The following TERF2IP variants were observed in gnomAD, a reference collection of about 807,000 sequenced individuals.
The protein encoded by TERF2IP is TERF2 interacting protein, also known as telomeric repeat-binding factor 2-interacting protein 1.
In TERF2IP, 35 loss-of-function variants were observed where a neutral mutation model predicts 33.3. That is an observed-to-expected ratio of 1.05 (90% CI 0.80 to 1.39). TERF2IP has a LOEUF of 1.39. Ranked by LOEUF, TERF2IP falls within the 40% of genes most tolerant of loss-of-function variation. TERF2IP has a pLI of 0.00. For synonymous variants in TERF2IP, 253 were observed against 223.2 expected, an observed-to-expected ratio of 1.13 and a Z score of -1.19; for missense variants, 583 against 524.8, an observed-to-expected ratio of 1.11 and a Z score of -1.08.
In TERF2IP at chr16:75,648,399, A is replaced by T; in HGVS notation, c.517A>T (p.Thr173Ser). 1 of 1,607,646 alleles carries T rather than the reference A, an allele frequency of 6.2e-7. No individual in the cohort carries two copies. The highest frequency in any genetic ancestry group is 8.5e-7 in the Non-Finnish European group (1 of 1,177,506). Residue 173 changes from threonine (T) to serine (S), a missense_variant, in exon 1 of 3, where the codon ACG becomes TCG. Physicochemically the swap from Thr to Ser is moderately conservative, Grantham distance 58. Coordinates refer to ENST00000300086, the MANE Select transcript of TERF2IP (RefSeq NM_018975.4). ...GAAAGCGATGGAGAAGAGCTCGCTC[A>T]CGCAGCACTCGTGGCAGTCCCTGAA... ...LWKAMEKSSL[T>S]QHSWQSLKDR...
intron 1 of TERF2IP, 126 bp from the exon 2 acceptor site, chr16:75,654,147 G>GT (rs1316165370): frequency 7.6e-6 from 4 of 529,058 alleles, no homozygotes; most frequent in Non-Finnish European, 1.1e-5. Context: ...TCTTCTGATA[G>GT]TAAAAAAAAA....
intron 1 of TERF2IP, among the ~76,000 whole-genome samples, chr16:75,651,301 G>T (rs1196917421): frequency 6.6e-6 from 1 of 151,800 alleles, no homozygotes; most frequent in Non-Finnish European, 1.5e-5. Flanking sequence ...AAAACTAATA[G>T]AAAAATGAGA....
At position 75,648,229 on chromosome 16, in the gene TERF2IP, G is replaced by T. The variant is rs546081204; in HGVS notation, c.347G>T (p.Gly116Val). The change falls in exon 1 of 3, where the codon GGG (glycine) becomes GTG (valine). Residue 116 changes from glycine to valine, a missense_variant. Transcript: ENST00000300086. ...AADTGSEAKP[G>V]ALAEGAAEPE... ...GACACCGGCTCGGAAGCAAAGCCCG[G>T]GGCCCTGGCCGAGGGCGCCGCGGAG... is the stretch of plus-strand genomic sequence containing the variant. The T allele has an allele frequency of 9.1e-5, 140 of 1,545,472 alleles. 1 individual carries two copies. The highest frequency in any genetic ancestry group is 8.6e-4 in the African/African-American group (63 of 73,332).
At chr16:75,650,378 G>A (rs557459304) in intron 1 of TERF2IP, among the ~76,000 whole-genome samples, 18 of 152,296 alleles carry the variant, frequency 1.2e-4, no homozygotes, top group African/African-American at 4.3e-4. Flanking sequence ...ATCGCCCTTA[G>A]GTGGGAGTAT....
chr16:75,652,231 T>C (rs1475921301), intron 1 of TERF2IP, among the ~76,000 whole-genome samples: 3 of 152,354 alleles, frequency 2.0e-5, no homozygotes, highest in South Asian at 2.1e-4. Context: ...ATGTCCCCTT[T>C]GCTCATAGTA....
intron 1 of TERF2IP, among the ~76,000 whole-genome samples, chr16:75,653,962 A>G (rs1333883746): frequency 6.6e-6 from 1 of 152,132 alleles, no homozygotes; most frequent in Non-Finnish European, 1.5e-5. Context: ...ATTTTTATTA[A>G]TTTGCAAAGT....
chr16:75,647,880 G>C lies in TERF2IP; in HGVS notation c.-3G>C, dbSNP rs766407069. 1 of 1,603,514 alleles carries C rather than the reference G, an allele frequency of 6.2e-7. No homozygotes were observed. The highest frequency in any genetic ancestry group is 1.3e-5 in the African/African-American group (1 of 74,676). Reference sequence around the variant, plus strand: ...GCTCTTCTAGTAGTGCTCGGCGTCAGACATGGCGGAGGCGATGGATTTGGG... The same window carrying C: ...GCTCTTCTAGTAGTGCTCGGCGTCACACATGGCGGAGGCGATGGATTTGGG... On this transcript the variant is annotated 5_prime_UTR_variant, in exon 1 of 3. Coordinates refer to ENST00000300086, the MANE Select transcript of TERF2IP (RefSeq NM_018975.4).
rs763844607 is a variant in TERF2IP, at chr16:75,656,595, A to G, written c.1184A>G (p.Glu395Gly). The change falls in exon 3 of 3, where the codon GAA (glutamate) becomes GGA (glycine). Residue 395 changes from glutamate to glycine, a missense_variant. Coordinates refer to ENST00000300086, the MANE Select transcript of TERF2IP (RefSeq NM_018975.4). ...GCTCAGAATGTAGCTCGGAGGATTGAATTTCGAAAGAAATAATTGGCAAGA... is the reference window on the plus strand; with the variant it reads ...GCTCAGAATGTAGCTCGGAGGATTGGATTTCGAAAGAAATAATTGGCAAGA... Reference protein sequence around the residue: ...FGAQNVARRIEFRKK With the variant: ...FGAQNVARRIGFRKK 6.3e-7 allele frequency: 1 copy of G among 1,593,576 alleles called. No individual in the cohort carries two copies. Among genetic ancestry groups the G allele is most frequent in the South Asian group, 1.1e-5 (1 of 87,848 alleles).
Position 75,656,359 on chromosome 16 carries a change from G to C in TERF2IP, c.948G>C (p.Lys316Asn), listed in dbSNP as rs764343158. The part of the protein sequence containing the change: ...VSQPEVGAAI[K>N]IIRQLMEKFN... The stretch of plus-strand genomic sequence containing the variant: ...AACCAGAGGTGGGAGCTGCCATTAA[G>C]ATCATTCGGCAGTTAATGGAGAAGT... Residue 316 changes from lysine (K) to asparagine (N), a missense_variant, in exon 3 of 3, where the codon AAG becomes AAC. Lys to Asn is a moderately conservative substitution (Grantham distance 94). Transcript: ENST00000300086. The C allele has an allele frequency of 1.2e-6, 2 of 1,614,220 alleles. No individual in the cohort carries two copies. Among genetic ancestry groups the C allele is most frequent in the East Asian group, 4.5e-5 (2 of 44,884 alleles).
chr16:75,648,262 C>G lies in TERF2IP; in HGVS notation c.380C>G (p.Pro127Arg). 6.5e-7 allele frequency: 1 copy of G among 1,548,224 alleles called. No homozygotes were observed. Among genetic ancestry groups the G allele is most frequent in the Non-Finnish European group, 8.7e-7 (1 of 1,145,700 alleles). Residue 127 changes from proline to arginine, a missense_variant, in exon 1 of 3, where the codon CCG (proline) becomes CGG (arginine). Physicochemically the swap from Pro to Arg is moderately radical, Grantham distance 103. Transcript: ENST00000300086. ...ALAEGAAEPE[P>R]QRHAGRIAFT... ...GCCGAGGGCGCCGCGGAGCCGGAGC[C>G]GCAGCGGCACGCCGGGCGGATCGCC...
rs1054481710 is a variant in TERF2IP at position 75,656,547 on chromosome 16, A to C, written c.1136A>C (p.Glu379Ala). The part of the protein sequence containing the change: ...DLQKDDEDTR[E>A]ALVKKFGAQN... ...CAAAAAGATGATGAGGATACCAGAG[A>C]GGCATTGGTCAAAAAATTTGGTGCT... Residue 379 changes from glutamate (E) to alanine (A), a missense_variant, in exon 3 of 3, where the codon GAG becomes GCG. By Grantham distance (107) the Glu-to-Ala change is moderately radical. Transcript: ENST00000300086. 1.9e-6 allele frequency: 3 copies of C among 1,613,674 alleles called. No individual in the cohort carries two copies. Among genetic ancestry groups the C allele is most frequent in the Non-Finnish European group, 2.5e-6 (3 of 1,179,890 alleles).
Position 75,656,514 on chromosome 16 carries a change from TAGATTTGCAAAA to T in TERF2IP, c.1108_1119del (p.Leu370_Asp373del). ...CCCATTTGGTCCCGACAAGATGACATAGATTTGCAAAAAGATGATGAGGATACCAGAGAGGCA... is the reference window on the plus strand; with the variant it reads ...CCCATTTGGTCCCGACAAGATGACATAGATGATGAGGATACCAGAGAGGCA... On this transcript the variant is annotated inframe_deletion, in exon 3 of 3. Transcript: ENST00000300086. 1.9e-6 allele frequency: 3 copies of T among 1,614,120 alleles called. No individual in the cohort carries two copies. Among genetic ancestry groups the T allele is most frequent in the Non-Finnish European group, 2.5e-6 (3 of 1,180,032 alleles).
chr16:75,653,849 A>T (rs1020951425), intron 1 of TERF2IP, among the ~76,000 whole-genome samples: 1 of 151,882 alleles, frequency 6.6e-6, no homozygotes, highest in Non-Finnish European at 1.5e-5. Context: ...CTCTCTGCCC[A>T]CTCCTGCTCT....
chr16:75,653,303 A>G (rs1343780263), intron 1 of TERF2IP, among the ~76,000 whole-genome samples: 1 of 152,204 alleles, frequency 6.6e-6, no homozygotes, highest in African/African-American at 2.4e-5. Context: ...GCTGGATCAT[A>G]TGGTAATTTT....
Position 75,648,302 on chromosome 16 carries a change from C to G in TERF2IP, c.420C>G (p.Asp140Glu). The change falls in exon 1 of 3, where the codon GAC becomes GAG. Residue 140 changes from aspartate to glutamate, a missense_variant. Asp to Glu is a conservative substitution (Grantham distance 45). Transcript: ENST00000300086. ...HAGRIAFTDADDVAILTYVKE... is the reference protein window; with the variant it reads ...HAGRIAFTDAEDVAILTYVKE... Reference sequence around the variant, plus strand: ...GGCGGATCGCCTTCACGGATGCGGACGACGTAGCCATCCTTACCTACGTGA... The same window carrying G: ...GGCGGATCGCCTTCACGGATGCGGAGGACGTAGCCATCCTTACCTACGTGA... 1.3e-6 allele frequency: 2 copies of G among 1,555,492 alleles called. No individual in the cohort carries two copies. The highest frequency in any genetic ancestry group is 1.2e-5 in the South Asian group (1 of 84,496).
At chr16:75,653,281 A>G (rs1333449796) in intron 1 of TERF2IP, among the ~76,000 whole-genome samples, 1 of 152,214 alleles carries the variant, frequency 6.6e-6, no homozygotes, top group Non-Finnish European at 1.5e-5. Flanking sequence ...GTATATGCCT[A>G]GAAATGCAAT....
In TERF2IP at chr16:75,648,254, G is replaced by T; in HGVS notation, c.372G>T (p.Glu124Asp). ...KPGALAEGAA[E>D]PEPQRHAGRI... Reference sequence around the variant, plus strand: ...GGGCCCTGGCCGAGGGCGCCGCGGAGCCGGAGCCGCAGCGGCACGCCGGGC... The same window carrying T: ...GGGCCCTGGCCGAGGGCGCCGCGGATCCGGAGCCGCAGCGGCACGCCGGGC... Residue 124 changes from glutamate to aspartate, a missense_variant, in exon 1 of 3, where the codon GAG becomes GAT. Transcript: ENST00000300086. 6.5e-7 allele frequency: 1 copy of T among 1,546,796 alleles called. No individual in the cohort carries two copies. Among genetic ancestry groups the T allele is most frequent in the Non-Finnish European group, 8.7e-7 (1 of 1,145,326 alleles).
intron 1 of TERF2IP, among the ~76,000 whole-genome samples, chr16:75,651,060 T>G (rs1280358880): frequency 6.6e-6 from 1 of 152,184 alleles, no homozygotes; most frequent in Non-Finnish European, 1.5e-5. Flanking sequence ...GGATGCTGCC[T>G]GATTTGCCAG....
Position 75,656,618 on chromosome 16 carries a change from A to G in TERF2IP, c.*7A>G. On this transcript the variant is annotated 3_prime_UTR_variant, in exon 3 of 3. Transcript: ENST00000300086. Reference sequence around the variant, plus strand: ...TGAATTTCGAAAGAAATAATTGGCAAGATAATGAGAAAAGAAAAAAGTCAT... The same window carrying G: ...TGAATTTCGAAAGAAATAATTGGCAGGATAATGAGAAAAGAAAAAAGTCAT... 6.3e-7 allele frequency: 1 copy of G among 1,581,542 alleles called. No individual in the cohort carries two copies. The highest frequency in any genetic ancestry group is 8.6e-7 in the Non-Finnish European group (1 of 1,165,538).
Sources: gnomAD v4.1 joint callset for allele counts (sites outside exome capture counted in the v4.1 genomes callset) on GRCh38, gnomAD v4.1.1 for gene constraint, MANE v1.5 for transcripts, NCBI Gene and HGNC (gene_info 2026-07-23, HGNC 2026-07-21) for gene names.